Variants in FAM184A observed in about 807,000 individuals in gnomAD.
FAM184A encodes protein FAM184A.
In FAM184A, 99 loss-of-function variants were observed where a neutral mutation model predicts 143.8. That is an observed-to-expected ratio of 0.69 (90% CI 0.58 to 0.81). The LOEUF (loss-of-function observed/expected upper bound fraction) is 0.81, where lower values mean the gene tolerates loss of function less well. Ranked by LOEUF, FAM184A falls within the 40% of genes least tolerant of loss-of-function variation. The pLI, the probability that FAM184A is intolerant of heterozygous loss-of-function variation, is 0.00. For synonymous variants in FAM184A, 427 were observed against 446.4 expected, an observed-to-expected ratio of 0.96 and a Z score of 0.55; for missense variants, 1,217 against 1,310.5, an observed-to-expected ratio of 0.93 and a Z score of 1.10.
At chr6:119,023,623 G>A (rs1785530192) in intron 2 of FAM184A, among the ~76,000 whole-genome samples, 1 of 125,366 alleles carries the variant, frequency 8.0e-6, no homozygotes, top group Non-Finnish European at 1.6e-5. Context: ...CTAACACCTG[G>A]CCTGAAGCGA....
Position 119,089,422 on chromosome 6 carries a change from C to T in FAM184A, c.-202+59656G>A, listed in dbSNP as rs1316062258. ...GTTTCAACTGGTCTCAAACTCCTGA[C>T]GTCAAATGATCTGCCTGACTTGGCC... On this transcript the variant is annotated intron_variant, in intron 1 of 16. Transcript: ENST00000352896. Among the ~76,000 whole-genome samples the T allele has an allele frequency of 3.3e-5, 5 of 151,872 alleles. No homozygotes were observed. The East Asian group carries it at 5.8e-4, about 18-fold the overall frequency.
At chr6:119,108,499 C>T (rs1012118184) in intron 1 of FAM184A, among the ~76,000 whole-genome samples, 4 of 152,030 alleles carry the variant, frequency 2.6e-5, no homozygotes, top group African/African-American at 7.3e-5. Context: ...TTGCCTCTGC[C>T]GAAATTCCAT....
rs560205633 is a variant in FAM184A, at chr6:118,976,483, T to G, written c.2456-439A>C. Among the ~76,000 whole-genome samples the G allele has an allele frequency of 1.0e-3, 156 of 152,030 alleles. 1 individual carries two copies. Among genetic ancestry groups the G allele is most frequent in the African/African-American group, 3.6e-3 (150 of 41,466 alleles). ...TTCGAGACCAGCCTGATCAACATGG[T>G]GAAACCCCGTCTCTACTAAAAATAC... On this transcript the variant is annotated intron_variant, in intron 11 of 17. Transcript: ENST00000338891.
At chr6:119,117,733 T>C (rs1472827780) in intron 1 of FAM184A, among the ~76,000 whole-genome samples, 1 of 152,246 alleles carries the variant, frequency 6.6e-6, no homozygotes, top group Admixed American at 6.5e-5. Context: ...CTTCTCTAGT[T>C]CACATGGTTA....
At chr6:119,002,096 G>A (rs959957177) in intron 9 of FAM184A, among the ~76,000 whole-genome samples, 1 of 152,120 alleles carries the variant, frequency 6.6e-6, no homozygotes, top group Admixed American at 6.5e-5. Flanking sequence ...CTGCATGTAT[G>A]TAGCTATGTA....
intron 1 of FAM184A, among the ~76,000 whole-genome samples, chr6:119,048,754 C>T (rs2114741526): frequency 6.6e-6 from 1 of 152,096 alleles, no homozygotes; most frequent in East Asian, 1.9e-4. Flanking sequence ...ATGATGGTTA[C>T]CAGAGGCTGG....
At chr6:118,986,294 G>GA (rs112618941) in intron 9 of FAM184A, among the ~76,000 whole-genome samples, 71 of 143,424 alleles carry the variant, frequency 5.0e-4, no homozygotes, top group South Asian at 2.0e-3. Context: ...CTCCGTCTCC[G>GA]AAAAAAAAAA....
At chr6:119,020,428 G>GTT (rs983122550) in intron 3 of FAM184A, among the ~76,000 whole-genome samples, 3 of 151,096 alleles carry the variant, frequency 2.0e-5, no homozygotes, top group African/African-American at 7.3e-5. Context: ...GGTTTTTTTT[G>GTT]TTTTTGTTTT....
intron 1 of FAM184A, among the ~76,000 whole-genome samples, chr6:119,138,428 T>C (rs1432742572): frequency 6.6e-6 from 1 of 152,164 alleles, no homozygotes; most frequent in African/African-American, 2.4e-5. Context: ...CAAGGCTGAT[T>C]ATGCAAGCTC....
chr6:119,118,614 A>G (rs1789123297), intron 1 of FAM184A, among the ~76,000 whole-genome samples: 1 of 152,188 alleles, frequency 6.6e-6, no homozygotes, highest in African/African-American at 2.4e-5. Flanking sequence ...AATTGTGAAG[A>G]TTTCATGGAC....
chr6:118,990,096 G>A (rs1309550172), intron 9 of FAM184A, among the ~76,000 whole-genome samples: 1 of 152,232 alleles, frequency 6.6e-6, no homozygotes, highest in East Asian at 1.9e-4. Flanking sequence ...ACAGTGCTGG[G>A]ATTACAGGCG....
At chr6:119,103,928 GAAAA>G (rs199961401) in intron 1 of FAM184A, among the ~76,000 whole-genome samples, 5 of 72,896 alleles carry the variant, frequency 6.9e-5, no homozygotes, top group African/African-American at 2.1e-4. Flanking sequence ...TCCGTGTAGA[GAAAA>G]AAAAAAAAAA....
chr6:119,127,967 C>T (rs6939832), intron 1 of FAM184A, among the ~76,000 whole-genome samples: 57,365 of 152,042 alleles, frequency 0.38, 12,484 homozygotes, highest in South Asian at 0.57. Context: ...ACTAAATGGA[C>T]CCCCTGCTTG....
Position 119,140,649 on chromosome 6 carries a change from T to C in FAM184A, c.-202+8429A>G, listed in dbSNP as rs74530872. The stretch of plus-strand genomic sequence containing the variant: ...ATCTGGTTCCCTCGCCTTCCTTCTC[T>C]GCTGTTGCAGTTTGAAGTCTCAAGG... On this transcript the variant is annotated intron_variant, in intron 1 of 16. Transcript: ENST00000352896. Among the ~76,000 whole-genome samples the C allele has an allele frequency of 3.8e-3, 582 of 152,318 alleles. 14 individuals are homozygous for C. In the East Asian group the frequency reaches 0.064, roughly 17 times the overall value.
chr6:119,020,691 C>G (rs1785415222), intron 3 of FAM184A, among the ~76,000 whole-genome samples: 1 of 152,104 alleles, frequency 6.6e-6, no homozygotes, highest in Admixed American at 6.5e-5. Flanking sequence ...AGGCAAGAGG[C>G]CAGATAAAGA....
intron 14 of FAM184A, among the ~76,000 whole-genome samples, chr6:118,967,631 T>A (rs1195530251): frequency 6.6e-6 from 1 of 152,174 alleles, no homozygotes; most frequent in Non-Finnish European, 1.5e-5. Flanking sequence ...CCACTTTTTA[T>A]AAGCAGGTGA....
chr6:119,141,551 A>G (rs1772237065), intron 1 of FAM184A, among the ~76,000 whole-genome samples: 1 of 152,110 alleles, frequency 6.6e-6, no homozygotes, highest in East Asian at 1.9e-4. Context: ...ATCTTGGCTC[A>G]CTGCAGTCTC....
At chr6:119,070,540 T>C (rs1291865091) in intron 1 of FAM184A, among the ~76,000 whole-genome samples, 1 of 152,184 alleles carries the variant, frequency 6.6e-6, no homozygotes, top group Non-Finnish European at 1.5e-5. Flanking sequence ...ACACTTGACA[T>C]ATAAAATATA....
At chr6:119,068,285 G>A (rs538557755) in intron 1 of FAM184A, among the ~76,000 whole-genome samples, 1 of 152,100 alleles carries the variant, frequency 6.6e-6, no homozygotes, top group Non-Finnish European at 1.5e-5. Flanking sequence ...GACTTCAAGT[G>A]TGATCCACCC....
Sources: gnomAD v4.1 joint callset for allele counts (sites outside exome capture counted in the v4.1 genomes callset) on GRCh38, gnomAD v4.1.1 for gene constraint, MANE v1.5 for transcripts, NCBI Gene and HGNC (gene_info 2026-07-23, HGNC 2026-07-21) for gene names.